Variants in RPS6KA2 observed in about 807,000 individuals in gnomAD.
RPS6KA2 encodes ribosomal protein S6 kinase A2.
In RPS6KA2, 42 loss-of-function variants were observed where a neutral mutation model predicts 91.8. The observed-to-expected ratio is 0.46, with a 90% CI of 0.36 to 0.59. The LOEUF (loss-of-function observed/expected upper bound fraction) is 0.59. Among genes scored for constraint, RPS6KA2 ranks in the 20% least tolerant of loss-of-function variants. The pLI is 0.00. For missense variants in RPS6KA2, 798 were observed against 978.5 expected (o/e 0.82, Z 2.46); for synonymous variants, 414 against 393.6 (o/e 1.05, Z -0.61).
chr6:166,602,202 A>T (rs1404953102), intron 1 of RPS6KA2, among the ~76,000 whole-genome samples: 1 of 152,240 alleles, frequency 6.6e-6, no homozygotes, highest in Non-Finnish European at 1.5e-5. Flanking sequence ...TCAGTGCCTG[A>T]TGTCCTACCA....
At position 166,412,918 on chromosome 6, in the gene RPS6KA2, C is replaced by T. The variant is rs938333544; in HGVS notation, c.2077-31G>A. On this transcript the variant is annotated intron_variant, in intron 20 of 20. Coordinates refer to ENST00000265678, the MANE Select transcript of RPS6KA2 (RefSeq NM_021135.6). This position sits in a 1 kb window ranked among gnomAD's most constrained non-coding sequence, Gnocchi z 4.3. ...AAACAGAAGACAAGGGTGAGAGCCG[C>T]GGCGCCTCACTCCAGGGGTTGAGCC... 6 of 1,533,402 alleles carry T rather than the reference C, an allele frequency of 3.9e-6. No individual in the cohort carries two copies. The highest frequency in any genetic ancestry group is 4.0e-5 in the Admixed American group (2 of 50,090). The allele number at this position is 1,533,402 out of a possible 1,614,324, so 95.0% of individuals were successfully genotyped here. A position where few individuals can be genotyped will look rare whatever the true frequency, so the allele number is the denominator to read the frequency against.
At chr6:166,820,590 C>T (rs1331342830) in intron 2 of RPS6KA2, among the ~76,000 whole-genome samples, 1 of 152,182 alleles carries the variant, frequency 6.6e-6, no homozygotes, top group Non-Finnish European at 1.5e-5. Context: ...ATTCTGTTAC[C>T]ACAAAGTTGA....
chr6:166,476,948 C>G (rs1780998477), intron 10 of RPS6KA2, among the ~76,000 whole-genome samples: 1 of 152,134 alleles, frequency 6.6e-6, no homozygotes, highest in Non-Finnish European at 1.5e-5. Flanking sequence ...GCCACCAATT[C>G]CCCAGATGGT....
intron 1 of RPS6KA2, among the ~76,000 whole-genome samples, chr6:166,590,229 T>C (rs1449849222): frequency 6.6e-6 from 1 of 152,194 alleles, no homozygotes; most frequent in South Asian, 2.1e-4. Context: ...AACTTGGACA[T>C]AGTGGGAAAT....
intron 1 of RPS6KA2, chr6:166,586,231 G>C (rs961301044): frequency 1.3e-6 from 2 of 1,593,556 alleles, no homozygotes; most frequent in Non-Finnish European, 8.5e-7. Context: ...GATCGTCCAT[G>C]CCACTGATTG....
chr6:166,809,368 T>C (rs1779574453), intron 2 of RPS6KA2, among the ~76,000 whole-genome samples: 1 of 152,216 alleles, frequency 6.6e-6, no homozygotes, highest in African/African-American at 2.4e-5. Context: ...TCTAGGGGTT[T>C]TATTCACTGA....
In RPS6KA2 at chr6:166,852,781, C is replaced by T. The variant is rs1484937639; in HGVS notation, c.123+5419G>A. ...CCTGTAAGGAGGCTTCCTGCCCAGG[C>T]CTGAGGGTCCCTCTGTGACCTCTCA... is the stretch of plus-strand genomic sequence containing the variant. On this transcript the variant is annotated intron_variant, in intron 2 of 21. Coordinates refer to the RPS6KA2 transcript ENST00000503859. This position sits in a 1 kb window ranked among gnomAD's most constrained non-coding sequence, Gnocchi z 4.1. 6.6e-6 allele frequency among the ~76,000 whole-genome samples: 1 copy of T among 152,054 alleles called. No individual in the cohort carries two copies. The highest frequency in any genetic ancestry group is 2.4e-5 in the African/African-American group (1 of 41,426).
At chr6:166,514,266 G>A (rs1387595202) in intron 3 of RPS6KA2, among the ~76,000 whole-genome samples, 1 of 152,196 alleles carries the variant, frequency 6.6e-6, no homozygotes, top group Non-Finnish European at 1.5e-5. Flanking sequence ...GGAATGTGAA[G>A]AGGCAGGCTC....
Position 166,508,219 on chromosome 6 carries a change from G to T in RPS6KA2, c.443C>A (p.Thr148Asn), listed in dbSNP as rs745406617. 1.7e-5 allele frequency: 28 copies of T among 1,612,516 alleles called. No individual in the cohort carries two copies. The highest frequency in any genetic ancestry group is 2.3e-5 in the Non-Finnish European group (27 of 1,178,552). Reference protein sequence around the residue: ...LDFLRGGDLFTRLSKEVMFTE... With the variant: ...LDFLRGGDLFNRLSKEVMFTE... ...GCTGCTCACCTCTTTGGAGAGCCGG[G>T]TGAAGAGGTCCCCTCCCCGCAGGAA... Residue 148 changes from threonine to asparagine, a missense_variant, in exon 5 of 21, where the codon ACC (threonine) becomes AAC (asparagine). Coordinates refer to ENST00000265678, the MANE Select transcript of RPS6KA2 (RefSeq NM_021135.6). This position sits in a 1 kb window ranked among gnomAD's most constrained non-coding sequence, Gnocchi z 4.3.
At chr6:166,782,753 C>T (rs1778803140) in intron 2 of RPS6KA2, among the ~76,000 whole-genome samples, 1 of 152,188 alleles carries the variant, frequency 6.6e-6, no homozygotes, top group Non-Finnish European at 1.5e-5. Flanking sequence ...GTCCTCCCAG[C>T]CCCAGCTCAG....
At chr6:166,691,330 C>T (rs539704771) in intron 2 of RPS6KA2, among the ~76,000 whole-genome samples, 1 of 152,302 alleles carries the variant, frequency 6.6e-6, no homozygotes, top group Admixed American at 6.5e-5. Context: ...GCTATAACAA[C>T]CTTCAAAACG....
chr6:166,664,634 T>C (rs1474671870), intron 2 of RPS6KA2, among the ~76,000 whole-genome samples: 5 of 152,232 alleles, frequency 3.3e-5, no homozygotes, highest in African/African-American at 1.2e-4. Context: ...AAATATTGAA[T>C]GGTAACATAA....
intron 10 of RPS6KA2, among the ~76,000 whole-genome samples, chr6:166,479,011 G>A (rs977234983): frequency 6.6e-6 from 1 of 152,184 alleles, no homozygotes; most frequent in African/African-American, 2.4e-5. Context: ...CTTTGCTTCT[G>A]TGCCCTGCCC....
intron 2 of RPS6KA2, among the ~76,000 whole-genome samples, chr6:166,677,085 T>C (rs779730399): frequency 2.0e-5 from 3 of 152,206 alleles, no homozygotes; most frequent in Non-Finnish European, 2.9e-5. Flanking sequence ...AATTTATATA[T>C]AGTTGTTTTG....
chr6:166,810,951 A>G (rs1417308287), intron 2 of RPS6KA2, among the ~76,000 whole-genome samples: 1 of 152,230 alleles, frequency 6.6e-6, no homozygotes, highest in African/African-American at 2.4e-5. Context: ...AGGAGGGTCC[A>G]TCTTCCCTCG....
intron 11 of RPS6KA2, among the ~76,000 whole-genome samples, chr6:166,462,393 G>A (rs1780349900): frequency 6.6e-6 from 1 of 152,144 alleles, no homozygotes; most frequent in African/African-American, 2.4e-5. Context: ...CTCTATCTGT[G>A]ACCACCCTGC....
chr6:166,727,327 C>A (rs1451463553), intron 2 of RPS6KA2, among the ~76,000 whole-genome samples: 1 of 151,740 alleles, frequency 6.6e-6, no homozygotes, highest in Non-Finnish European at 1.5e-5. Flanking sequence ...CAAACACACA[C>A]ACACACACAC....
At chr6:166,763,431 T>G (rs567504679) in intron 2 of RPS6KA2, among the ~76,000 whole-genome samples, 1 of 152,234 alleles carries the variant, frequency 6.6e-6, no homozygotes, top group Non-Finnish European at 1.5e-5. Context: ...TACAACTTAA[T>G]TGCCTCCATG....
rs1230919360 is a variant in RPS6KA2, at chr6:166,639,784, G to A, written c.124-101000C>T. 6.6e-6 allele frequency among the ~76,000 whole-genome samples: 1 copy of A among 151,934 alleles called. No homozygotes were observed. Among genetic ancestry groups the A allele is most frequent in the Non-Finnish European group, 1.5e-5 (1 of 67,994 alleles). ...TCCAGACCCAGCATTGCTCCAGGAA[G>A]CCACACCGAGATCACTCCACCCCAC... is the stretch of plus-strand genomic sequence containing the variant. On this transcript the variant is annotated intron_variant, in intron 2 of 21. Transcript: ENST00000503859. This position sits in a 1 kb window ranked among gnomAD's most constrained non-coding sequence, Gnocchi z 4.2.
Sources: allele counts gnomAD v4.1 joint callset (sites outside exome capture counted in the v4.1 genomes callset), GRCh38; gene constraint gnomAD v4.1.1; non-coding constraint Gnocchi (gnomAD v3.1); transcripts MANE v1.5; gene names NCBI Gene and HGNC (gene_info 2026-07-23, HGNC 2026-07-21).